The following EPB41L1 variants were observed in gnomAD, a reference collection of about 807,000 sequenced individuals.
EPB41L1 encodes the protein band 4.1-like protein 1.
Under a neutral mutation model 97.8 loss-of-function variants are expected in EPB41L1, and 29 were observed. That is an observed-to-expected ratio of 0.30 (90% CI 0.22 to 0.40). The LOEUF (loss-of-function observed/expected upper bound fraction) is 0.40. Ranked by LOEUF, EPB41L1 falls within the 10% of genes least tolerant of loss-of-function variation. EPB41L1 has a pLI of 1.00. For missense variants in EPB41L1, 812 were observed against 1,162.3 expected (o/e 0.70, Z 4.38); for synonymous variants, 383 against 459.2 (o/e 0.83, Z 2.12).
chr20:36,202,690 G>A (rs1402854637), intron 14 of EPB41L1, among the ~76,000 whole-genome samples: 1 of 151,694 alleles, frequency 6.6e-6, no homozygotes, highest in Admixed American at 6.6e-5. Context: ...GCGCGTGCCT[G>A]TAATCCTAGC....
intron 8 of EPB41L1, among the ~76,000 whole-genome samples, chr20:36,188,012 G>T (rs939980149): frequency 6.6e-6 from 1 of 152,216 alleles, no homozygotes; most frequent in Non-Finnish European, 1.5e-5. Flanking sequence ...AGGGAAAGAC[G>T]TAGGCCTTAG....
Position 36,188,403 on chromosome 20 carries a change from C to T in EPB41L1, c.930C>T (p.Tyr310=), listed in dbSNP as rs769302241. The change falls in exon 9 of 22, where the codon TAC becomes TAT. Residue 310 remains tyrosine (Y), a synonymous_variant. Transcript: ENST00000338074. Reference sequence around the variant, plus strand: ...TTTGTGCCAATGGCCTGCTCATCTACCGGGACCGGCTGAGAATCAACCGCT... The same window carrying T: ...TTTGTGCCAATGGCCTGCTCATCTATCGGGACCGGCTGAGAATCAACCGCT... ...LGVCANGLLI[Y]RDRLRINRFA... 16 of 1,613,940 alleles carry T rather than the reference C, an allele frequency of 9.9e-6. No individual in the cohort carries two copies. The highest frequency in any genetic ancestry group is 1.4e-5 in the Non-Finnish European group (16 of 1,180,024).
rs996892632 is a variant in EPB41L1, at chr20:36,209,320, A to T, written c.1669-168A>T. The stretch of plus-strand genomic sequence containing the variant: ...CGTTTTTGTTTTTTTTATGCTTGTT[A>T]TGATTTCAAGGAACCTTTCCTGGGG... On this transcript the variant is annotated intron_variant, in intron 14 of 21. Coordinates refer to ENST00000338074, the MANE Select transcript of EPB41L1 (RefSeq NM_012156.2). This position sits in a 1 kb window ranked among gnomAD's most constrained non-coding sequence, Gnocchi z 4.2. Among the ~76,000 whole-genome samples, 2 of 147,310 alleles carry T rather than the reference A, an allele frequency of 1.4e-5. No homozygotes were observed. Among genetic ancestry groups the T allele is most frequent in the Non-Finnish European group, 3.0e-5 (2 of 66,894 alleles).
chr20:36,154,689 G>A (rs2060210456), upstream of EPB41L1: 14 of 982,010 alleles, frequency 1.4e-5, no homozygotes, highest in South Asian at 4.5e-5. This position sits in a 1 kb window ranked among gnomAD's most constrained non-coding sequence, Gnocchi z 5.5. Context: ...TGTGGGCACC[G>A]TGCCCAGCCC....
intron 14 of EPB41L1, chr20:36,205,812 T>G (rs1353623366): frequency 2.0e-5 from 25 of 1,259,052 alleles, no homozygotes; most frequent in Non-Finnish European, 2.6e-5. Flanking sequence ...GTACCTGATA[T>G]TTCATGTTAA....
chr20:36,162,436 G>C (rs536783591), intron 1 of EPB41L1, among the ~76,000 whole-genome samples: 2 of 152,340 alleles, frequency 1.3e-5, no homozygotes, highest in African/African-American at 4.8e-5. Flanking sequence ...CAGCAGACTT[G>C]AGTCCTAGTC....
At chr20:36,229,289 C>A in intron 21 of EPB41L1, 43 bp from the exon 22 acceptor site, 5 of 1,462,818 alleles carry the variant, frequency 3.4e-6, no homozygotes, top group Non-Finnish European at 4.8e-6. Context: ...TCCTTTCCCC[C>A]CACTCCCCAC....
At chr20:36,135,526 G>A (rs2059386189) in intron 2 of EPB41L1, among the ~76,000 whole-genome samples, 2 of 152,186 alleles carry the variant, frequency 1.3e-5, no homozygotes, top group African/African-American at 2.4e-5. Flanking sequence ...CATAAAATGG[G>A]TATATTAATA....
At chr20:36,189,927 G>A (rs937487439) in intron 9 of EPB41L1, among the ~76,000 whole-genome samples, 1 of 152,198 alleles carries the variant, frequency 6.6e-6, no homozygotes, top group Non-Finnish European at 1.5e-5. Flanking sequence ...ACTCACGTCT[G>A]TAATCCCAGC....
In EPB41L1 at chr20:36,173,852, T is replaced by C. The variant is rs1297879951; in HGVS notation, c.75T>C (p.Ala25=). The C allele has an allele frequency of 3.1e-6, 5 of 1,613,784 alleles. No individual in the cohort carries two copies. In the South Asian group the frequency reaches 4.4e-5, roughly 14 times the overall value. The change falls in exon 2 of 22, where the codon GCT becomes GCC. Residue 25 remains alanine, a synonymous_variant. Coordinates refer to ENST00000338074, the MANE Select transcript of EPB41L1 (RefSeq NM_012156.2). ...QEEAPQQPEA[A]AAVTTPVTPA... The stretch of plus-strand genomic sequence containing the variant: ...AGGCCCCGCAGCAGCCCGAGGCTGC[T>C]GCCGCTGTGACCACCCCTGTGACCC...
chr20:36,139,502 C>G (rs75741336), intron 2 of EPB41L1, among the ~76,000 whole-genome samples: 146 of 152,278 alleles, frequency 9.6e-4, no homozygotes, highest in African/African-American at 3.4e-3. Flanking sequence ...TCTGTGAACC[C>G]ATTGCCTAGG....
chr20:36,184,475 A>G (rs1319943736), intron 6 of EPB41L1, among the ~76,000 whole-genome samples: 1 of 152,242 alleles, frequency 6.6e-6, no homozygotes, highest in Non-Finnish European at 1.5e-5. Context: ...ATTTGTTTTC[A>G]GACAATTTAC....
intron 14 of EPB41L1, among the ~76,000 whole-genome samples, chr20:36,204,408 T>G (rs1171705403): frequency 1.3e-5 from 2 of 151,588 alleles, no homozygotes; most frequent in Non-Finnish European, 2.9e-5. Flanking sequence ...AGGCATTGTT[T>G]GAAGAACTCT....
intron 2 of EPB41L1, among the ~76,000 whole-genome samples, chr20:36,124,524 C>T (rs1007476056): frequency 1.3e-5 from 2 of 152,172 alleles, no homozygotes; most frequent in Non-Finnish European, 2.9e-5. Context: ...AAGACCTTTA[C>T]ACATGCTTAG....
At chr20:36,191,270 C>G (rs1260032054) in intron 11 of EPB41L1, among the ~76,000 whole-genome samples, 1 of 152,062 alleles carries the variant, frequency 6.6e-6, no homozygotes, top group Admixed American at 6.6e-5. Context: ...CTGATGATGC[C>G]TTATCTGCTG....
chr20:36,219,899 A>G (rs1052270868), intron 19 of EPB41L1, 55 bp downstream of exon 19: 4 of 1,482,158 alleles, frequency 2.7e-6, no homozygotes, highest in African/African-American at 2.8e-5. Context: ...CGAGAAGGTC[A>G]TGACTGTTGT....
At chr20:36,124,749 G>T (rs2058893895) in intron 2 of EPB41L1, among the ~76,000 whole-genome samples, 1 of 152,174 alleles carries the variant, frequency 6.6e-6, no homozygotes, top group Non-Finnish European at 1.5e-5. Context: ...CGCACAGTAG[G>T]TATTCAATAA....
At chr20:36,210,934 C>A (rs1259481139) in intron 15 of EPB41L1, among the ~76,000 whole-genome samples, 1 of 152,124 alleles carries the variant, frequency 6.6e-6, no homozygotes, top group Non-Finnish European at 1.5e-5. Context: ...GGCACAGTGG[C>A]TTGTGCCTGT....
At chr20:36,125,883 A>G (rs1329304187) in intron 2 of EPB41L1, among the ~76,000 whole-genome samples, 1 of 152,094 alleles carries the variant, frequency 6.6e-6, no homozygotes, top group Non-Finnish European at 1.5e-5. Context: ...TCTCAGGCTC[A>G]TGGAAGTGTA....
Sources: gnomAD v4.1 joint callset for allele counts (sites outside exome capture counted in the v4.1 genomes callset) on GRCh38, gnomAD v4.1.1 for gene constraint, Gnocchi (gnomAD v3.1) non-coding constraint, MANE v1.5 for transcripts, NCBI Gene and HGNC (gene_info 2026-07-23, HGNC 2026-07-21) for gene names.